The following ITGB4 variants were observed in gnomAD, a reference collection of about 807,000 sequenced individuals.
ITGB4 encodes integrin subunit beta 4.
In ITGB4, 159 loss-of-function variants were observed where a neutral mutation model predicts 207.6. The observed-to-expected ratio is 0.77, with a 90% CI of 0.67 to 0.87. The LOEUF is 0.87. Among genes scored for constraint, ITGB4 ranks in the 40% least tolerant of loss-of-function variants. ITGB4 has a pLI of 0.00. For missense variants in ITGB4, 2,278 were observed against 2,546.8 expected (o/e 0.89, Z 2.27); for synonymous variants, 1,020 against 1,062.7 (o/e 0.96, Z 0.78).
At chr17:75,755,302 C>A in intron 34 of ITGB4, 2 of 1,385,344 alleles carry the variant, frequency 1.4e-6, no homozygotes, top group Non-Finnish European at 2.0e-6. Flanking sequence ...GTGCCCACTG[C>A]TTCCCCTCCA....
chr17:75,723,738 A>G (rs1270266604), intron 1 of ITGB4, among the ~76,000 whole-genome samples: 1 of 152,196 alleles, frequency 6.6e-6, no homozygotes, highest in Non-Finnish European at 1.5e-5. Context: ...GACAGGATTC[A>G]ATGGGGAGGG....
chr17:75,753,854 C>T lies in ITGB4; in HGVS notation c.4198C>T (p.Leu1400=). 3 of 1,391,860 alleles carry T rather than the reference C, an allele frequency of 2.2e-6. No individual in the cohort carries two copies. Among genetic ancestry groups the T allele is most frequent in the South Asian group, 1.7e-5 (1 of 58,494 alleles). The allele number at this position is 1,391,860 out of a possible 1,614,324, so 86.2% of individuals were successfully genotyped here. A position where few individuals can be genotyped will look rare whatever the true frequency, so the allele number is the denominator to read the frequency against. Reference sequence around the variant, plus strand: ...GCTGCCCCCGGAGCTCATCCCGCGCCTGTCGGCCAGCAGCGGGCGCTCCTC... The same window carrying T: ...GCTGCCCCCGGAGCTCATCCCGCGCTTGTCGGCCAGCAGCGGGCGCTCCTC... ...WRLPPELIPR[L]SASSGRSSDA... is the part of the protein sequence containing the mutation. The change falls in exon 33 of 40, where the codon CTG becomes TTG. Residue 1400 remains leucine, a synonymous_variant. Coordinates refer to ENST00000200181, the MANE Select transcript of ITGB4 (RefSeq NM_000213.5).
In ITGB4 at chr17:75,743,524, C is replaced by T. The variant is rs56893346; in HGVS notation, c.2963-189C>T. Among the ~76,000 whole-genome samples, 11,442 of 152,268 alleles carry T rather than the reference C, an allele frequency of 0.075. 900 individuals carry two copies. Among genetic ancestry groups the T allele is most frequent in the East Asian group, 0.32 (1,630 of 5,164 alleles). On this transcript the variant is annotated intron_variant, in intron 25 of 39. Transcript: ENST00000200181. ...CTGGGATTACAGGCACAAGCCACTG[C>T]GCCCGGCCCCTCATCTTTTTCTGGA...
At position 75,743,872 on chromosome 17, in the gene ITGB4, G is replaced by A. The variant is rs749302673; in HGVS notation, c.3111+11G>A. On this transcript the variant is annotated intron_variant, in intron 26 of 39. Coordinates refer to ENST00000200181, the MANE Select transcript of ITGB4 (RefSeq NM_000213.5). ...GCGCAGGGCAACCGGGTGAGGCTGC[G>A]CCACAGGGTCGAGGGTGCAGCCCGG... 8.1e-5 allele frequency: 128 copies of A among 1,570,838 alleles called. No individual in the cohort carries two copies. Among genetic ancestry groups the A allele is most frequent in the Non-Finnish European group, 9.6e-5 (111 of 1,158,918 alleles).
intron 31 of ITGB4, 44 bp downstream of exon 31, chr17:75,752,400 G>T: frequency 6.2e-7 from 1 of 1,612,736 alleles, no homozygotes; most frequent in Non-Finnish European, 8.5e-7. Flanking sequence ...GGGCAGGGGG[G>T]CAGGGGGCAG....
In ITGB4 at chr17:75,753,799, G is replaced by A; in HGVS notation, c.4143G>A (p.Glu1381=). ...CGWKFEPLLG[E]ELDLRRVTWR... ...GGAAGTTCGAGCCCCTGCTGGGGGA[G>A]GAGCTGGACCTGCGGCGCGTCACGT... Residue 1381 remains glutamate, a synonymous_variant, in exon 33 of 40, where the codon GAG becomes GAA. Coordinates refer to ENST00000200181, the MANE Select transcript of ITGB4 (RefSeq NM_000213.5). 1 of 1,461,498 alleles carries A rather than the reference G, an allele frequency of 6.8e-7. No individual in the cohort carries two copies. Among genetic ancestry groups the A allele is most frequent in the Non-Finnish European group, 9.0e-7 (1 of 1,106,862 alleles). 90.5% of individuals were successfully genotyped at this position (1,461,498 alleles called of 1,614,324 possible).
intron 1 of ITGB4, 35 bp from the exon 2 acceptor site, chr17:75,724,659 G>A: frequency 6.9e-7 from 1 of 1,452,414 alleles, no homozygotes; most frequent in Non-Finnish European, 9.7e-7. Context: ...CCATGGCTGT[G>A]GAGGCCTCAT....
In ITGB4 at chr17:75,732,261, G is replaced by A. The variant is rs781513622; in HGVS notation, c.1454+22G>A. 1.9e-6 allele frequency: 3 copies of A among 1,611,752 alleles called. No homozygotes were observed. Among genetic ancestry groups the A allele is most frequent in the Admixed American group, 3.3e-5 (2 of 60,022 alleles). ...GCTGGTGAGTGGGGAAGGGAGTTGG[G>A]CACCCAGGACACCAGTGGCCCCTGA... On this transcript the variant is annotated intron_variant, in intron 12 of 39. Transcript: ENST00000200181. This position sits in a 1 kb window ranked among gnomAD's most constrained non-coding sequence, Gnocchi z 5.3.
Position 75,743,784 on chromosome 17 carries a change from G to C in ITGB4, c.3034G>C (p.Val1012Leu). ...CGGGGACCAGGTGGCCCGCATCCCT[G>C]TCATCCGGCGTGTCCTGGACGGCGG... ...SRGDQVARIP[V>L]IRRVLDGGKS... Residue 1012 changes from valine to leucine, a missense_variant, in exon 26 of 40, where the codon GTC becomes CTC. Val to Leu is a conservative substitution (Grantham distance 32, BLOSUM62 1). Transcript: ENST00000200181. 3 of 1,613,370 alleles carry C rather than the reference G, an allele frequency of 1.9e-6. No individual in the cohort carries two copies. The highest frequency in any genetic ancestry group is 2.5e-6 in the Non-Finnish European group (3 of 1,179,952).
In ITGB4 at chr17:75,757,231, G is replaced by A. The variant is rs1206240414; in HGVS notation, c.5250G>A (p.Gly1750=). 6.2e-7 allele frequency: 1 copy of A among 1,611,884 alleles called. No individual in the cohort carries two copies. The change falls in exon 39 of 40, where the codon GGG becomes GGA. Residue 1750 remains glycine (G), a synonymous_variant. Transcript: ENST00000200181. ...TCCCGCAGCTGGGCAGCCGTGCCGG[G>A]CTCTTCCAGCACCCGCTGCAAAGCG... The part of the protein sequence containing the change: ...GPFPQLGSRA[G]LFQHPLQSEY...
At chr17:75,756,900 T>C in intron 37 of ITGB4, 41 bp downstream of exon 37, 1 of 1,609,256 alleles carries the variant, frequency 6.2e-7, no homozygotes, top group East Asian at 2.2e-5. Flanking sequence ...AGGGGAGGGG[T>C]AAAGAGGGGG....
chr17:75,755,148 C>A, intron 34 of ITGB4: 1 of 1,611,836 alleles, frequency 6.2e-7, no homozygotes, highest in Non-Finnish European at 8.5e-7. Flanking sequence ...GGGTTCCCCC[C>A]TTCCAGGGGC....
At chr17:75,730,578 C>A in intron 8 of ITGB4, 74 bp downstream of exon 8, 1 of 1,026,550 alleles carries the variant, frequency 9.7e-7, no homozygotes. Context: ...ACACCTCTCC[C>A]TCCCTCCCTC....
At chr17:75,721,767 G>C (rs908362860) in intron 1 of ITGB4, among the ~76,000 whole-genome samples, 155 bp downstream of exon 1, 4 of 152,196 alleles carry the variant, frequency 2.6e-5, no homozygotes, top group Non-Finnish European at 4.4e-5. Flanking sequence ...GGGGTGCGCC[G>C]GGGGCAGCTG....
intron 26 of ITGB4, 37 bp from the exon 27 acceptor site, chr17:75,748,804 C>T: frequency 1.3e-6 from 2 of 1,525,726 alleles, no homozygotes; most frequent in Non-Finnish European, 1.8e-6. Context: ...CCTCAGCCCC[C>T]AGCCATGACC....
intron 13 of ITGB4, 81 bp from the exon 14 acceptor site, chr17:75,735,970 C>G: frequency 7.5e-7 from 1 of 1,339,368 alleles, no homozygotes; most frequent in Non-Finnish European, 1.1e-6. Flanking sequence ...TCTGTTCCCA[C>G]AGGCCCTCCC....
Position 75,739,706 on chromosome 17 carries a change from G to T in ITGB4, c.2254+1G>T, listed in dbSNP as rs201310681. ...GCACTTCTCCCGTGCTGCAACCGAG[G>T]TATGGGCCTGGCATCGCAGGGGCAG... is the stretch of plus-strand genomic sequence containing the variant. On this transcript the variant is annotated splice_donor_variant, in intron 19 of 39. Coordinates refer to ENST00000200181, the MANE Select transcript of ITGB4 (RefSeq NM_000213.5). LOFTEE classifies it high-confidence loss of function. This position sits in a 1 kb window ranked among gnomAD's most constrained non-coding sequence, Gnocchi z 5.4. 7.4e-6 allele frequency: 12 copies of T among 1,614,014 alleles called. No homozygotes were observed. The highest frequency in any genetic ancestry group is 1.0e-5 in the Non-Finnish European group (12 of 1,180,036).
In ITGB4 at chr17:75,739,923, G is replaced by A. The variant is rs1412354267; in HGVS notation, c.2298G>A (p.Glu766=). 6 of 1,613,446 alleles carry A rather than the reference G, an allele frequency of 3.7e-6. No individual in the cohort carries two copies. The South Asian group carries it at 6.6e-5, about 18-fold the overall frequency. The change falls in exon 20 of 40, where the codon GAG becomes GAA. Residue 766 remains glutamate (E), a synonymous_variant. Transcript: ENST00000200181. The surrounding 1 kb of genome is among the most constrained non-coding windows in gnomAD (Gnocchi z 5.4). ...GFKEDHYMLR[E]NLMASDHLDT... ...AGGAAGACCACTACATGCTGCGGGA[G>A]AACCTGATGGCCTCTGACCACTTGG...
intron 16 of ITGB4, 129 bp downstream of exon 16, chr17:75,736,823 C>A: frequency 9.4e-7 from 1 of 1,059,510 alleles, no homozygotes; most frequent in Non-Finnish European, 1.4e-6. Flanking sequence ...GACAGGAACT[C>A]CAGAGCTGGG....
Sources: gnomAD v4.1 joint callset for allele counts (sites outside exome capture counted in the v4.1 genomes callset) on GRCh38, gnomAD v4.1.1 for gene constraint, Gnocchi (gnomAD v3.1) non-coding constraint, MANE v1.5 for transcripts, NCBI Gene and HGNC (gene_info 2026-07-23, HGNC 2026-07-21) for gene names.